Variants in C1orf94 observed in about 807,000 individuals in gnomAD.
The protein encoded by C1orf94 is uncharacterized protein C1orf94.
A neutral mutation model predicts 53.6 loss-of-function variants in C1orf94; 45 were observed. That is an observed-to-expected ratio of 0.84 (90% CI 0.66 to 1.08). The LOEUF is 1.08. C1orf94 is among the 50% of genes least tolerant of loss of function. The pLI is 0.00. For synonymous variants in C1orf94, 304 were observed against 296.1 expected, an observed-to-expected ratio of 1.03 and a Z score of -0.27; for missense variants, 762 against 738.9, an observed-to-expected ratio of 1.03 and a Z score of -0.36.
intron 1 of C1orf94, among the ~76,000 whole-genome samples, chr1:34,196,294 C>T (rs1642578968): frequency 6.6e-6 from 1 of 152,174 alleles, no homozygotes; most frequent in African/African-American, 2.4e-5. Context: ...CAGACAGGTG[C>T]AGACCAGCAA....
At chr1:34,168,647 A>G (rs530059956) in intron 1 of C1orf94, among the ~76,000 whole-genome samples, 1 of 152,332 alleles carries the variant, frequency 6.6e-6, no homozygotes, top group African/African-American at 2.4e-5. Context: ...AGGTCGACAC[A>G]GTTGGTTCCC....
chr1:34,198,218 A>C (rs1479173904), intron 2 of C1orf94, among the ~76,000 whole-genome samples: 3 of 152,240 alleles, frequency 2.0e-5, no homozygotes, highest in Non-Finnish European at 1.5e-5. Flanking sequence ...ACGGGTGTCC[A>C]GAGTACATTG....
At chr1:34,191,598 C>G (rs1366746752) in intron 1 of C1orf94, among the ~76,000 whole-genome samples, 1 of 152,178 alleles carries the variant, frequency 6.6e-6, no homozygotes, top group African/African-American at 2.4e-5. Context: ...GTGCCTGACC[C>G]CAGAGCCCTC....
chr1:34,217,711 C>T (rs1242742235), intron 6 of C1orf94, among the ~76,000 whole-genome samples: 1 of 152,190 alleles, frequency 6.6e-6, no homozygotes, highest in East Asian at 1.9e-4. Flanking sequence ...CAAATGAATG[C>T]CGTGGTCTAT....
intron 6 of C1orf94, among the ~76,000 whole-genome samples, chr1:34,217,887 T>C (rs1021531515): frequency 1.3e-5 from 2 of 152,248 alleles, no homozygotes; most frequent in African/African-American, 4.8e-5. Context: ...GTAATTTGTA[T>C]TGAGTTCTGT....
At chr1:34,204,887 G>A (rs1044261053) in intron 4 of C1orf94, among the ~76,000 whole-genome samples, 2 of 151,746 alleles carry the variant, frequency 1.3e-5, no homozygotes, top group Non-Finnish European at 2.9e-5. Flanking sequence ...TGATGACTAA[G>A]AAAAGCTTGG....
At chr1:34,169,436 C>T (rs1642105036) in intron 1 of C1orf94, among the ~76,000 whole-genome samples, 1 of 152,022 alleles carries the variant, frequency 6.6e-6, no homozygotes, top group African/African-American at 2.4e-5. Flanking sequence ...AGTGACTAGC[C>T]AAGATAAGCC....
At chr1:34,214,834 G>T (rs1304677195) in intron 6 of C1orf94, among the ~76,000 whole-genome samples, 1 of 152,162 alleles carries the variant, frequency 6.6e-6, no homozygotes, top group African/African-American at 2.4e-5. Context: ...TGAGGAGAAG[G>T]AGCAGGGTGG....
In C1orf94 at chr1:34,178,848, C is replaced by T. The variant is rs536160271; in HGVS notation, c.320+739C>T. Among the ~76,000 whole-genome samples, 17 of 152,334 alleles carry T rather than the reference C, an allele frequency of 1.1e-4. No individual in the cohort carries two copies. In the East Asian group the frequency reaches 2.7e-3, roughly 24 times the overall value. ...AATCTGCTGTGGTTATTAATACCGC[C>T]GTTGAGCACTTACTTATTTCACGTT... is the stretch of plus-strand genomic sequence containing the variant. On this transcript the variant is annotated intron_variant, in intron 1 of 6. Transcript: ENST00000488417.
At chr1:34,174,438 TG>T (rs1483272672), upstream of C1orf94, among the ~76,000 whole-genome samples, 2 of 152,212 alleles carry the variant, frequency 1.3e-5, no homozygotes, top group Non-Finnish European at 2.9e-5. Flanking sequence ...TGTTGTGGGC[TG>T]AATTATATGC....
chr1:34,203,090 G>A (rs184657596), intron 4 of C1orf94, among the ~76,000 whole-genome samples: 1 of 152,260 alleles, frequency 6.6e-6, no homozygotes, highest in Admixed American at 6.5e-5. Flanking sequence ...TCAGGCACTT[G>A]AACATCTTTA....
Position 34,202,248 on chromosome 1 carries a change from T to C in C1orf94, c.1435T>C (p.Leu479=). 6.2e-7 allele frequency: 1 copy of C among 1,614,042 alleles called. No individual in the cohort carries two copies. Among genetic ancestry groups the C allele is most frequent in the Non-Finnish European group, 8.5e-7 (1 of 1,179,942 alleles). The change falls in exon 4 of 7, where the codon TTG becomes CTG. Residue 479 remains leucine, a synonymous_variant. Transcript: ENST00000488417. ...AGTGTTCACGAATCACTCTACCTTC[T>C]TGCAGTATCAGGTCAGTGAGCTGGC... is the stretch of plus-strand genomic sequence containing the variant. ...PPVFTNHSTF[L]QYQGLYPQQA...
intron 1 of C1orf94, among the ~76,000 whole-genome samples, chr1:34,186,510 C>G (rs1468651712): frequency 6.6e-6 from 1 of 152,172 alleles, no homozygotes; most frequent in Non-Finnish European, 1.5e-5. Flanking sequence ...ATAACAGCAT[C>G]TGGTTTGAGA....
At chr1:34,206,832 C>T (rs915365925) in intron 4 of C1orf94, among the ~76,000 whole-genome samples, 1 of 152,172 alleles carries the variant, frequency 6.6e-6, no homozygotes, top group African/African-American at 2.4e-5. Context: ...TAAAGGGGAG[C>T]AGGTGAGTGG....
intron 1 of C1orf94, among the ~76,000 whole-genome samples, chr1:34,194,659 TCCC>T (rs1188251303): frequency 3.3e-5 from 5 of 152,186 alleles, no homozygotes; most frequent in African/African-American, 1.2e-4. Context: ...TCTCTTCTTT[TCCC>T]TCCTCCTGCT....
At chr1:34,209,969 C>G (rs1433826477) in intron 5 of C1orf94, among the ~76,000 whole-genome samples, 1 of 151,958 alleles carries the variant, frequency 6.6e-6, no homozygotes, top group African/African-American at 2.4e-5. Context: ...ACATATTTTC[C>G]CGGCAATATC....
chr1:34,194,036 G>C lies in C1orf94; in HGVS notation c.321-3189G>C, dbSNP rs76605976. The stretch of plus-strand genomic sequence containing the variant: ...TGGAGACAAGGAGGTGGTTGCAGCT[G>C]GGGGGGACATGAGTGTTTCCTTAAA... On this transcript the variant is annotated intron_variant, in intron 1 of 6. Transcript: ENST00000488417. Among the ~76,000 whole-genome samples the C allele has an allele frequency of 6.6e-3, 1,000 of 152,146 alleles. 9 individuals carry two copies. The highest frequency in any genetic ancestry group is 0.023 in the African/African-American group (944 of 41,496).
At chr1:34,209,695 G>A (rs1039561776) in intron 5 of C1orf94, among the ~76,000 whole-genome samples, 1 of 152,038 alleles carries the variant, frequency 6.6e-6, no homozygotes, top group African/African-American at 2.4e-5. Context: ...TTGTTACCTG[G>A]GCCAGCACTG....
rs1389916049 is a variant in C1orf94 at position 34,177,286 on chromosome 1, C to G, written c.-504C>G. On this transcript the variant is annotated 5_prime_UTR_variant, in exon 1 of 7. Transcript: ENST00000488417. ...CGCTCTGCGAGGGGCTCCCTGGGAA[C>G]GCCCAGGCGAGCGCCTCCTGCGGGG... Among the ~76,000 whole-genome samples, 1 of 152,356 alleles carries G rather than the reference C, an allele frequency of 6.6e-6. No individual in the cohort carries two copies. The highest frequency in any genetic ancestry group is 1.5e-5 in the Non-Finnish European group (1 of 68,034).
Sources: allele counts gnomAD v4.1 joint callset (sites outside exome capture counted in the v4.1 genomes callset), GRCh38; gene constraint gnomAD v4.1.1; transcripts MANE v1.5; gene names NCBI Gene and HGNC (gene_info 2026-07-23, HGNC 2026-07-21).